Variants in PDLIM5 observed in about 807,000 individuals in gnomAD.
The protein encoded by PDLIM5 is PDZ and LIM domain protein 5.
A neutral mutation model predicts 64.2 loss-of-function variants in PDLIM5; 34 were observed. The observed-to-expected ratio is 0.53, with a 90% CI of 0.40 to 0.71. The LOEUF (loss-of-function observed/expected upper bound fraction) is 0.71, where lower values mean the gene tolerates loss of function less well. PDLIM5 is among the 30% of genes least tolerant of loss of function. The pLI is 0.00. For missense variants in PDLIM5, 683 were observed against 733.6 expected, an observed-to-expected ratio of 0.93 and a Z score of 0.80; for synonymous variants, 253 against 269.1, an observed-to-expected ratio of 0.94 and a Z score of 0.59.
chr4:94,605,454 A>G (rs17021900), intron 7 of PDLIM5, among the ~76,000 whole-genome samples: 6,375 of 152,246 alleles, frequency 0.042, 254 homozygotes, highest in South Asian at 0.16. Context: ...AGTCTTCATA[A>G]CCCTCTCTGG....
chr4:94,560,791 A>G (rs1578377401), intron 3 of PDLIM5, among the ~76,000 whole-genome samples: 1 of 152,094 alleles, frequency 6.6e-6, no homozygotes, highest in African/African-American at 2.4e-5. Context: ...TGGTGGTACA[A>G]TCTTGGCTTA....
At chr4:94,628,586 C>T (rs1739889131) in intron 8 of PDLIM5, among the ~76,000 whole-genome samples, 1 of 150,922 alleles carries the variant, frequency 6.6e-6, no homozygotes, top group Admixed American at 6.6e-5. Flanking sequence ...ATGTGGTCAA[C>T]TTAAACTGTA....
At chr4:94,550,932 C>G (rs952976618) in intron 3 of PDLIM5, among the ~76,000 whole-genome samples, 2 of 151,740 alleles carry the variant, frequency 1.3e-5, no homozygotes, top group Non-Finnish European at 2.9e-5. Flanking sequence ...TAAATAGATA[C>G]AGAAAGAAGT....
At chr4:94,466,581 A>T (rs996283846) in intron 2 of PDLIM5, among the ~76,000 whole-genome samples, 34 of 152,120 alleles carry the variant, frequency 2.2e-4, no homozygotes, top group African/African-American at 5.3e-4. Flanking sequence ...CAAAAAAAAA[A>T]TTTTATTATA....
chr4:94,546,354 A>G (rs1455425718), intron 3 of PDLIM5, among the ~76,000 whole-genome samples: 1 of 152,100 alleles, frequency 6.6e-6, no homozygotes, highest in East Asian at 1.9e-4. Context: ...ACACAACCTC[A>G]CTTCTCTTCC....
intron 3 of PDLIM5, among the ~76,000 whole-genome samples, chr4:94,543,778 CTG>C (rs60929032): frequency 0.019 from 2,487 of 131,990 alleles, 42 homozygotes; most frequent in Middle Eastern, 0.038. Flanking sequence ...TAGTATTCCA[CTG>C]TGTGTGTGTG....
chr4:94,622,988 A>C lies in PDLIM5; in HGVS notation c.1108+4797A>C, dbSNP rs535262199. Among the ~76,000 whole-genome samples, 9 of 152,224 alleles carry C rather than the reference A, an allele frequency of 5.9e-5. No homozygotes were observed. In the South Asian group the frequency reaches 1.9e-3, roughly 32 times the overall value. On this transcript the variant is annotated intron_variant, in intron 8 of 12. Coordinates refer to ENST00000317968, the MANE Select transcript of PDLIM5 (RefSeq NM_006457.5). ...CCGGCCTCCATTTCTTTAACTATTA[A>C]AATAAAGACCTTAAAAGCTTCTCCT...
At chr4:94,467,322 T>TC (rs1355347234) in intron 2 of PDLIM5, among the ~76,000 whole-genome samples, 1 of 151,820 alleles carries the variant, frequency 6.6e-6, no homozygotes, top group Non-Finnish European at 1.5e-5. Context: ...AAGTTTTTTT[T>TC]TTTTTTTTTT....
At chr4:94,584,880 A>G (rs529751702) in intron 5 of PDLIM5, 40 of 722,938 alleles carry the variant, frequency 5.5e-5, no homozygotes, top group East Asian at 1.3e-4. Context: ...TTTGACTACT[A>G]TGGACTTTCA....
At chr4:94,571,938 A>G (rs566676285) in intron 3 of PDLIM5, among the ~76,000 whole-genome samples, 1 of 152,358 alleles carries the variant, frequency 6.6e-6, no homozygotes, top group African/African-American at 2.4e-5. Context: ...TCTGTATTGC[A>G]GTAACTGAAT....
chr4:94,596,104 G>A (rs1737048824), intron 7 of PDLIM5, among the ~76,000 whole-genome samples: 2 of 152,218 alleles, frequency 1.3e-5, no homozygotes, highest in South Asian at 4.1e-4. Context: ...TTGAACATAA[G>A]TAATTACTAC....
At chr4:94,588,308 A>C (rs1444556341) in intron 7 of PDLIM5, 1 of 341,584 alleles carries the variant, frequency 2.9e-6, no homozygotes, top group African/African-American at 2.2e-5. Flanking sequence ...TCACGCCTGT[A>C]ATCCCAGCAT....
At chr4:94,452,368 G>T (rs960460729) in intron 1 of PDLIM5, among the ~76,000 whole-genome samples, 16 of 152,100 alleles carry the variant, frequency 1.1e-4, no homozygotes, top group Non-Finnish European at 2.4e-4. Context: ...GGCTGCCGGC[G>T]TCGCCCGGCA....
At chr4:94,639,928 G>A (rs111374364) in intron 8 of PDLIM5, among the ~76,000 whole-genome samples, 2 of 151,906 alleles carry the variant, frequency 1.3e-5, no homozygotes, top group Middle Eastern at 3.2e-3. Flanking sequence ...TTGGGAGGTC[G>A]AGGCACGAGA....
chr4:94,619,842 C>T (rs1350307749), intron 8 of PDLIM5, among the ~76,000 whole-genome samples: 4 of 152,144 alleles, frequency 2.6e-5, no homozygotes, highest in Non-Finnish European at 4.4e-5. Flanking sequence ...AGGCTGCCCT[C>T]GAACTCCTGA....
At chr4:94,657,063 C>T (rs1185722421) in intron 10 of PDLIM5, among the ~76,000 whole-genome samples, 1 of 151,992 alleles carries the variant, frequency 6.6e-6, no homozygotes, top group Non-Finnish European at 1.5e-5. Context: ...ACCATAAAAC[C>T]TTGGTAAGTT....
Position 94,625,601 on chromosome 4 carries a change from C to T in PDLIM5, c.1108+7410C>T, listed in dbSNP as rs560567637. 2.0e-4 allele frequency among the ~76,000 whole-genome samples: 31 copies of T among 152,012 alleles called. No individual in the cohort carries two copies. The East Asian group carries it at 3.5e-3, about 17-fold the overall frequency. ...CCAAGTAGCTGGGACTACAGGCGCC[C>T]GCCACCATGCCCGGCTAATGTTTTT... is the stretch of plus-strand genomic sequence containing the variant. On this transcript the variant is annotated intron_variant, in intron 8 of 12. Coordinates refer to ENST00000317968, the MANE Select transcript of PDLIM5 (RefSeq NM_006457.5).
chr4:94,595,682 G>A (rs1490116193), intron 7 of PDLIM5, among the ~76,000 whole-genome samples: 2 of 152,124 alleles, frequency 1.3e-5, no homozygotes, highest in Non-Finnish European at 2.9e-5. Context: ...ATAGTTTGCT[G>A]ACCCATCCCA....
intron 4 of PDLIM5, chr4:94,573,855 C>CAT (rs1431547705): frequency 6.1e-6 from 1 of 162,728 alleles, no homozygotes; most frequent in Non-Finnish European, 1.3e-5. Context: ...AACCATTATT[C>CAT]ATATATATCT....
Sources: allele counts gnomAD v4.1 joint callset (sites outside exome capture counted in the v4.1 genomes callset), GRCh38; gene constraint gnomAD v4.1.1; transcripts MANE v1.5; gene names NCBI Gene and HGNC (gene_info 2026-07-23, HGNC 2026-07-21).